The following PTPN14 variants were observed in gnomAD, a reference collection of about 807,000 sequenced individuals.
The protein encoded by PTPN14 is tyrosine-protein phosphatase non-receptor type 14.
A neutral mutation model predicts 126.8 loss-of-function variants in PTPN14; 53 were observed. That is an observed-to-expected ratio of 0.42 (90% CI 0.34 to 0.53). The LOEUF is 0.53. Among genes scored for constraint, PTPN14 ranks in the 20% least tolerant of loss-of-function variants. The pLI, the probability that PTPN14 is intolerant of heterozygous loss-of-function variation, is 0.08. For missense variants in PTPN14, 1,257 were observed against 1,552.9 expected, an observed-to-expected ratio of 0.81 and a Z score of 3.20; for synonymous variants, 630 against 599.3, an observed-to-expected ratio of 1.05 and a Z score of -0.75.
intron 1 of PTPN14, among the ~76,000 whole-genome samples, chr1:214,503,662 T>C (rs1654761923): frequency 6.6e-6 from 1 of 152,228 alleles, no homozygotes; most frequent in African/African-American, 2.4e-5. Flanking sequence ...TAGTGTGATG[T>C]TGGTCAATAA....
intron 1 of PTPN14, among the ~76,000 whole-genome samples, chr1:214,522,514 A>G (rs144015118): frequency 1.5e-4 from 23 of 152,346 alleles, no homozygotes; most frequent in African/African-American, 4.8e-4. Context: ...AAGCCCGCAG[A>G]ACGTAACCAC....
intron 1 of PTPN14, among the ~76,000 whole-genome samples, chr1:214,549,177 C>T (rs549989096): frequency 3.9e-5 from 6 of 152,282 alleles, no homozygotes; most frequent in African/African-American, 1.4e-4. Flanking sequence ...TCTGCCACCT[C>T]AGCCAGGACT....
At chr1:214,440,872 G>C (rs905822560) in intron 3 of PTPN14, among the ~76,000 whole-genome samples, 2 of 152,208 alleles carry the variant, frequency 1.3e-5, no homozygotes, top group African/African-American at 4.8e-5. Context: ...CTCTCTGCAA[G>C]GCGTCCCAAT....
At position 214,448,375 on chromosome 1, in the gene PTPN14, T is replaced by C. The variant is rs1415503548; in HGVS notation, c.344+3430A>G. On this transcript the variant is annotated intron_variant, in intron 3 of 18. Transcript: ENST00000366956. ...ACTCCCGCGTAGCTGGGACTACAGG[T>C]GCCCCCAACCAAGCCGGGCTAATTT... 2.7e-5 allele frequency among the ~76,000 whole-genome samples: 4 copies of C among 150,446 alleles called. No homozygotes were observed. In the East Asian group the frequency reaches 7.9e-4, roughly 30 times the overall value.
intron 1 of PTPN14, among the ~76,000 whole-genome samples, chr1:214,498,601 T>C (rs1446241621): frequency 6.6e-6 from 1 of 152,182 alleles, no homozygotes; most frequent in Non-Finnish European, 1.5e-5. Context: ...TATGCATATA[T>C]ACTTAACATA....
chr1:214,460,851 C>T (rs1316365887), intron 2 of PTPN14, among the ~76,000 whole-genome samples: 1 of 152,130 alleles, frequency 6.6e-6, no homozygotes, highest in Non-Finnish European at 1.5e-5. Flanking sequence ...GGAACCAGGC[C>T]TGGATCCTTC....
intron 7 of PTPN14, among the ~76,000 whole-genome samples, chr1:214,398,511 A>T (rs967811918): frequency 2.0e-5 from 3 of 151,876 alleles, no homozygotes; most frequent in Non-Finnish European, 4.4e-5. Context: ...CAGTGGCACA[A>T]TTTTGGCTCA....
At chr1:214,388,695 A>G (rs2102545839) in intron 11 of PTPN14, among the ~76,000 whole-genome samples, 1 of 152,336 alleles carries the variant, frequency 6.6e-6, no homozygotes, top group Non-Finnish European at 1.5e-5. Flanking sequence ...GGTGTGAGCT[A>G]CCGTGCCCAG....
intron 2 of PTPN14, among the ~76,000 whole-genome samples, chr1:214,453,682 G>A (rs1660322618): frequency 1.3e-5 from 2 of 152,024 alleles, no homozygotes; most frequent in South Asian, 4.1e-4. Flanking sequence ...AATCAAAGCA[G>A]GTAAACCTCA....
At chr1:214,522,535 T>C (rs956792646) in intron 1 of PTPN14, among the ~76,000 whole-genome samples, 5 of 152,182 alleles carry the variant, frequency 3.3e-5, no homozygotes, top group African/African-American at 9.7e-5. Context: ...TAAATATATA[T>C]GCAATACCTG....
intron 1 of PTPN14, among the ~76,000 whole-genome samples, chr1:214,484,754 G>A (rs1661074647): frequency 6.6e-6 from 1 of 152,190 alleles, no homozygotes; most frequent in Non-Finnish European, 1.5e-5. Context: ...TAGGAGACTT[G>A]TTTGAATGTC....
chr1:214,402,921 C>T lies in PTPN14; in HGVS notation c.543G>A (p.Glu181=), dbSNP rs1173755485. Residue 181 remains glutamate (E), a synonymous_variant, in exon 6 of 19, where the codon GAG becomes GAA. Transcript: ENST00000366956. The part of the protein sequence containing the change: ...DLALEEAVLE[E]LTQKVAQEHK... ...GTTCTTGGGCTACCTTCTGGGTCAGCTCCTCCAGAACAGCCTCTTCCAGGG... is the reference window on the plus strand; with the variant it reads ...GTTCTTGGGCTACCTTCTGGGTCAGTTCCTCCAGAACAGCCTCTTCCAGGG... 4 of 1,614,006 alleles carry T rather than the reference C, an allele frequency of 2.5e-6. No homozygotes were observed. The highest frequency in any genetic ancestry group is 2.2e-5 in the East Asian group (1 of 44,846).
intron 2 of PTPN14, among the ~76,000 whole-genome samples, chr1:214,453,999 A>G (rs1278974812): frequency 6.6e-6 from 1 of 152,212 alleles, no homozygotes; most frequent in Non-Finnish European, 1.5e-5. Context: ...CAAGAAACTT[A>G]TCTGAAAAGG....
At chr1:214,510,744 T>A (rs987391580) in intron 1 of PTPN14, among the ~76,000 whole-genome samples, 1 of 152,198 alleles carries the variant, frequency 6.6e-6, no homozygotes, top group South Asian at 2.1e-4. Flanking sequence ...CTCCATATGT[T>A]TGGACTTGGT....
intron 8 of PTPN14, among the ~76,000 whole-genome samples, chr1:214,396,534 A>T (rs767685123): frequency 7.9e-5 from 12 of 152,208 alleles, no homozygotes; most frequent in African/African-American, 1.2e-4. Context: ...CAACTGCTGA[A>T]ATCCTAGATA....
chr1:214,507,000 G>C (rs1028888250), intron 1 of PTPN14, among the ~76,000 whole-genome samples: 3 of 151,262 alleles, frequency 2.0e-5, no homozygotes, highest in Non-Finnish European at 1.5e-5. Context: ...AAATTCGATA[G>C]CAATCATTCT....
At chr1:214,474,664 G>A (rs1043015189) in intron 1 of PTPN14, among the ~76,000 whole-genome samples, 4 of 152,124 alleles carry the variant, frequency 2.6e-5, no homozygotes, top group African/African-American at 7.2e-5. Flanking sequence ...TCCATAACCC[G>A]GAAGCACTTT....
In PTPN14 at chr1:214,411,739, T is replaced by A. The variant is rs1225234098; in HGVS notation, c.455A>T (p.Asp152Val). ...AGLAVQADFGDYNQFDSQDFL... is the reference protein window; with the variant it reads ...AGLAVQADFGVYNQFDSQDFL... ...ATCTTGAGAATCAAACTGATTATAG[T>A]CTCCAAAATCAGCTGAGAAGAAAAG... The change falls in exon 5 of 19, where the codon GAC becomes GTC. Residue 152 changes from aspartate (D) to valine (V), a missense_variant. Physicochemically the swap from Asp to Val is radical, Grantham distance 152 (BLOSUM62 -3). Coordinates refer to ENST00000366956, the MANE Select transcript of PTPN14 (RefSeq NM_005401.5). 4.0e-6 allele frequency: 6 copies of A among 1,506,646 alleles called. No individual in the cohort carries two copies. Among genetic ancestry groups the A allele is most frequent in the East Asian group, 4.7e-5 (2 of 42,760 alleles). 93.3% of individuals were successfully genotyped at this position (1,506,646 alleles called of 1,614,324 possible). A position where few individuals can be genotyped will look rare whatever the true frequency, so the allele number is the denominator to read the frequency against.
chr1:214,490,524 GA>G (rs1558126804), intron 1 of PTPN14, among the ~76,000 whole-genome samples: 1 of 152,060 alleles, frequency 6.6e-6, no homozygotes, highest in Non-Finnish European at 1.5e-5. Flanking sequence ...GAAGATGTTA[GA>G]ATTCACAGTT....
Sources: gnomAD v4.1 joint callset for allele counts (sites outside exome capture counted in the v4.1 genomes callset) on GRCh38, gnomAD v4.1.1 for gene constraint, MANE v1.5 for transcripts, NCBI Gene and HGNC (gene_info 2026-07-23, HGNC 2026-07-21) for gene names.